The following CCDC170 variants were observed in gnomAD, a reference collection of about 807,000 sequenced individuals.
CCDC170 encodes coiled-coil domain containing 170, also known as coiled-coil domain-containing protein 170.
A neutral mutation model predicts 72.6 loss-of-function variants in CCDC170; 69 were observed. That is an observed-to-expected ratio of 0.95 (90% CI 0.78 to 1.16). The LOEUF (loss-of-function observed/expected upper bound fraction) is 1.16. Among genes scored for constraint, CCDC170 ranks in the 50% most tolerant of loss-of-function variants. The pLI, the probability that CCDC170 is intolerant of heterozygous loss-of-function variation, is 0.00. For missense variants in CCDC170, 852 were observed against 832.5 expected (o/e 1.02, Z -0.29); for synonymous variants, 300 against 303.9 (o/e 0.99, Z 0.13).
At chr6:151,577,371 C>G (rs1871859) in intron 6 of CCDC170, among the ~76,000 whole-genome samples, 2 of 151,992 alleles carry the variant, frequency 1.3e-5, no homozygotes, top group African/African-American at 4.8e-5. Flanking sequence ...CAGGTTCCCA[C>G]GAATTCTAAA....
At chr6:151,512,001 T>C (rs941371536) in intron 1 of CCDC170, among the ~76,000 whole-genome samples, 3 of 151,770 alleles carry the variant, frequency 2.0e-5, no homozygotes, top group Non-Finnish European at 4.4e-5. Flanking sequence ...GACACTACCA[T>C]GCCTGGCTAA....
In CCDC170 at chr6:151,504,669, A is replaced by G. The variant is rs372422706; in HGVS notation, c.57+10484A>G. 5.9e-5 allele frequency among the ~76,000 whole-genome samples: 9 copies of G among 152,038 alleles called. No homozygotes were observed. The East Asian group carries it at 1.7e-3, about 29-fold the overall frequency. Reference sequence around the variant, plus strand: ...AAGTTTTGCTGAGGTTACTGGGGCAATGGTGGTGATGGTCAGGGGGTAATG... The same window carrying G: ...AAGTTTTGCTGAGGTTACTGGGGCAGTGGTGGTGATGGTCAGGGGGTAATG... On this transcript the variant is annotated intron_variant, in intron 1 of 10. Transcript: ENST00000239374.
Position 151,573,171 on chromosome 6 carries a change from T to C in CCDC170, c.775-3T>C. 3 of 1,604,898 alleles carry C rather than the reference T, an allele frequency of 1.9e-6. No homozygotes were observed. The highest frequency in any genetic ancestry group is 2.6e-6 in the Non-Finnish European group (3 of 1,175,740). On this transcript the variant is annotated splice_region_variant and splice_polypyrimidine_tract_variant and intron_variant, in intron 5 of 10. Coordinates refer to ENST00000239374, the MANE Select transcript of CCDC170 (RefSeq NM_025059.4). ...TTGTCTTCACTTTCTGTAATCATTT[T>C]AGGACCTGCTCAGTGCTGTAGAAGC...
chr6:151,544,626 G>A lies in CCDC170; in HGVS notation c.498G>A (p.Arg166=). The A allele has an allele frequency of 6.2e-7, 1 of 1,613,556 alleles. No homozygotes were observed. Among genetic ancestry groups the A allele is most frequent in the Non-Finnish European group, 8.5e-7 (1 of 1,179,558 alleles). Residue 166 remains arginine, a synonymous_variant, in exon 4 of 11, where the codon AGG becomes AGA. Transcript: ENST00000239374. ...ENKKQVSKNC[R]KHEEFLTQLR... ...AGAAACAAGTTTCAAAGAATTGCAGGAAACATGAGGAATTTCTGACTCAAC... is the reference window on the plus strand; with the variant it reads ...AGAAACAAGTTTCAAAGAATTGCAGAAAACATGAGGAATTTCTGACTCAAC...
intron 1 of CCDC170, 52 bp downstream of exon 1, chr6:151,494,237 C>T: frequency 6.9e-7 from 1 of 1,445,168 alleles, no homozygotes; most frequent in Non-Finnish European, 9.1e-7. Flanking sequence ...GGATAGACGA[C>T]CCAGGAGGGG....
chr6:151,609,258 G>A (rs1169288294), intron 9 of CCDC170, among the ~76,000 whole-genome samples: 1 of 152,024 alleles, frequency 6.6e-6, no homozygotes, highest in Admixed American at 6.6e-5. Context: ...TTTCAAAGAG[G>A]GACACAGCAT....
intron 1 of CCDC170, among the ~76,000 whole-genome samples, chr6:151,513,531 G>A (rs961986345): frequency 2.2e-4 from 32 of 146,938 alleles, no homozygotes; most frequent in African/African-American, 7.8e-4. Context: ...AATTGCTTCA[G>A]CCTGGGAGGC....
In CCDC170 at chr6:151,505,320, T is replaced by G. The variant is rs536216430; in HGVS notation, c.57+11135T>G. Reference sequence around the variant, plus strand: ...GTCCTGCCTCCCCTTTCCCCTGTGTTGGTGGCACACATTCCCTTTCAGGTG... The same window carrying G: ...GTCCTGCCTCCCCTTTCCCCTGTGTGGGTGGCACACATTCCCTTTCAGGTG... On this transcript the variant is annotated intron_variant, in intron 1 of 10. Transcript: ENST00000239374. Among the ~76,000 whole-genome samples, 4 of 152,266 alleles carry G rather than the reference T, an allele frequency of 2.6e-5. No individual in the cohort carries two copies. The East Asian group carries it at 7.7e-4, about 29-fold the overall frequency.
At position 151,573,275 on chromosome 6, in the gene CCDC170, G is replaced by A; in HGVS notation, c.876G>A (p.Lys292=). The A allele has an allele frequency of 6.2e-7, 1 of 1,614,180 alleles. No homozygotes were observed. Among genetic ancestry groups the A allele is most frequent in the Non-Finnish European group, 8.5e-7 (1 of 1,180,016 alleles). The change falls in exon 6 of 11, where the codon AAG becomes AAA. Residue 292 remains lysine, a synonymous_variant. Coordinates refer to ENST00000239374, the MANE Select transcript of CCDC170 (RefSeq NM_025059.4). ...LAGQQVWDAS[K]QEVSLLKKSS... is the part of the protein sequence containing the mutation. ...GCCAGCAGGTCTGGGATGCCTCAAA[G>A]CAGGAAGTGAGCCTCCTGAAGAAAA...
At chr6:151,528,680 A>G (rs1782447041) in intron 1 of CCDC170, among the ~76,000 whole-genome samples, 1 of 152,126 alleles carries the variant, frequency 6.6e-6, no homozygotes, top group Admixed American at 6.6e-5. Flanking sequence ...TCTACTAAAA[A>G]TACAAAAATT....
intron 4 of CCDC170, among the ~76,000 whole-genome samples, chr6:151,545,620 G>GT (rs531043318): frequency 2.1e-4 from 32 of 151,088 alleles, no homozygotes; most frequent in Non-Finnish European, 3.3e-4. Flanking sequence ...GTTTGTTGTT[G>GT]TTTTTTTTTT....
intron 5 of CCDC170, among the ~76,000 whole-genome samples, chr6:151,568,509 TC>T (rs1776171402): frequency 6.6e-6 from 1 of 152,190 alleles, no homozygotes; most frequent in Non-Finnish European, 1.5e-5. Context: ...GGACTAAAAT[TC>T]CCCGGTGTTT....
intron 1 of CCDC170, among the ~76,000 whole-genome samples, chr6:151,520,452 C>T (rs1446106558): frequency 3.9e-5 from 6 of 152,194 alleles, no homozygotes; most frequent in Admixed American, 2.0e-4. Flanking sequence ...TGTCCTTGTT[C>T]CTTCCTAGGT....
chr6:151,587,165 C>T (rs1447857793), intron 7 of CCDC170, among the ~76,000 whole-genome samples: 2 of 152,056 alleles, frequency 1.3e-5, no homozygotes, highest in African/African-American at 4.8e-5. Flanking sequence ...AACAATGGCA[C>T]TGATAACCCA....
chr6:151,517,434 CTTT>C (rs377256935), intron 1 of CCDC170, among the ~76,000 whole-genome samples: 11 of 139,360 alleles, frequency 7.9e-5, no homozygotes, highest in Admixed American at 2.2e-4. Context: ...TCTTCTTCTT[CTTT>C]TTTTTTTTTT....
At position 151,566,904 on chromosome 6, in the gene CCDC170, G is replaced by A. The variant is rs114999512; in HGVS notation, c.775-6270G>A. ...TGGATTGATGACAATGTTGCTTTCA[G>A]TGCCTGTTGTATAGGAAATTTTTTC... On this transcript the variant is annotated intron_variant, in intron 5 of 10. Transcript: ENST00000239374. Among the ~76,000 whole-genome samples the A allele has an allele frequency of 5.0e-3, 757 of 152,228 alleles. 6 individuals are homozygous for A. The highest frequency in any genetic ancestry group is 0.017 in the African/African-American group (720 of 41,528).
chr6:151,531,829 G>T (rs557887769), intron 1 of CCDC170, among the ~76,000 whole-genome samples: 1 of 152,238 alleles, frequency 6.6e-6, no homozygotes, highest in East Asian at 1.9e-4. Context: ...AGAGCAAAAG[G>T]ATGAAAAGTT....
At chr6:151,601,008 C>G (rs1186003186) in intron 9 of CCDC170, among the ~76,000 whole-genome samples, 2 of 152,168 alleles carry the variant, frequency 1.3e-5, no homozygotes, top group Middle Eastern at 3.2e-3. Flanking sequence ...GCCTTTGTCT[C>G]TGGCTTTTTG....
chr6:151,617,287 T>C lies in CCDC170; in HGVS notation c.1948-660T>C, dbSNP rs543355780. Among the ~76,000 whole-genome samples, 84 of 152,262 alleles carry C rather than the reference T, an allele frequency of 5.5e-4. 1 individual carries two copies. Among genetic ancestry groups the C allele is most frequent in the African/African-American group, 1.7e-3 (70 of 41,566 alleles). On this transcript the variant is annotated intron_variant, in intron 10 of 10. Coordinates refer to ENST00000239374, the MANE Select transcript of CCDC170 (RefSeq NM_025059.4). ...TACTTTTCTTTCTTCAATGGACAAA[T>C]AGAAGTCCCAGAGCAGTCCCATGGA...
Sources: gnomAD v4.1 joint callset for allele counts (sites outside exome capture counted in the v4.1 genomes callset) on GRCh38, gnomAD v4.1.1 for gene constraint, MANE v1.5 for transcripts, NCBI Gene and HGNC (gene_info 2026-07-23, HGNC 2026-07-21) for gene names.